CCDC63: variants seen among roughly 807,000 people sequenced by gnomAD.
The protein encoded by CCDC63 is coiled-coil domain containing 63.
In CCDC63, 54 loss-of-function variants were observed where a neutral mutation model predicts 63.6. The ratio of observed to expected loss-of-function variants is 0.85; its 90% CI spans 0.68 to 1.07. The LOEUF is 1.07. CCDC63 is among the 50% of genes least tolerant of loss of function. The pLI is 0.00. For missense variants in CCDC63, 637 were observed against 689.6 expected (o/e 0.92, Z 0.86); for synonymous variants, 253 against 266.1 (o/e 0.95, Z 0.48).
At chr12:110,848,909 G>T (rs1225891640) in intron 1 of CCDC63, among the ~76,000 whole-genome samples, 1 of 152,162 alleles carries the variant, frequency 6.6e-6, no homozygotes, top group Non-Finnish European at 1.5e-5. Flanking sequence ...CAAATTCCAG[G>T]GCTGAAAGAG....
chr12:110,894,039 C>G (rs1427243583), intron 9 of CCDC63, among the ~76,000 whole-genome samples: 1 of 151,060 alleles, frequency 6.6e-6, no homozygotes, highest in Non-Finnish European at 1.5e-5. Flanking sequence ...CACTTCAGGG[C>G]TGGTATGGCA....
chr12:110,887,344 T>C (rs2071296468), intron 8 of CCDC63, among the ~76,000 whole-genome samples: 1 of 152,062 alleles, frequency 6.6e-6, no homozygotes, highest in Non-Finnish European at 1.5e-5. Context: ...CAGGATGGTC[T>C]CGAACGCCTG....
chr12:110,884,852 A>ATTTTTTT (rs34391026), intron 8 of CCDC63, among the ~76,000 whole-genome samples: 1 of 130,708 alleles, frequency 7.7e-6, no homozygotes, highest in Non-Finnish European at 1.6e-5. Context: ...ACGCCCTGCT[A>ATTTTTTT]TTTTTTTTTT....
At chr12:110,896,506 A>G (rs1393080415) in intron 9 of CCDC63, among the ~76,000 whole-genome samples, 1 of 151,972 alleles carries the variant, frequency 6.6e-6, no homozygotes, top group Non-Finnish European at 1.5e-5. Flanking sequence ...AATAGGGCCG[A>G]CCCCTTGAGA....
At chr12:110,869,481 C>G (rs1195698153) in intron 4 of CCDC63, among the ~76,000 whole-genome samples, 1 of 152,186 alleles carries the variant, frequency 6.6e-6, no homozygotes, top group Admixed American at 6.5e-5. Flanking sequence ...TCTTCAGATA[C>G]TAGTTCTGAA....
chr12:110,860,087 A>G (rs1460642733), intron 4 of CCDC63, among the ~76,000 whole-genome samples: 2 of 152,196 alleles, frequency 1.3e-5, no homozygotes, highest in African/African-American at 4.8e-5. Flanking sequence ...AACCATTTAC[A>G]AGGGTGTGGG....
intron 5 of CCDC63, among the ~76,000 whole-genome samples, chr12:110,874,340 C>T (rs776050855): frequency 2.6e-5 from 4 of 152,054 alleles, no homozygotes; most frequent in East Asian, 1.9e-4. Flanking sequence ...TTTTTGTTGT[C>T]GGTGTTGTCT....
chr12:110,890,763 T>C (rs12826148), intron 8 of CCDC63, among the ~76,000 whole-genome samples: 30,091 of 146,384 alleles, frequency 0.21, 3,440 homozygotes, highest in Admixed American at 0.27. Context: ...TCTATTTTTT[T>C]CCTCCTTTTC....
chr12:110,867,779 G>C (rs1484639385), intron 4 of CCDC63, among the ~76,000 whole-genome samples: 2 of 147,752 alleles, frequency 1.4e-5, no homozygotes, highest in African/African-American at 5.0e-5. Flanking sequence ...CTCCCGGACG[G>C]GGTGGCTGGC....
intron 3 of CCDC63, among the ~76,000 whole-genome samples, 162 bp downstream of exon 3, chr12:110,853,736 GAA>G (rs1394679892): frequency 1.3e-5 from 2 of 152,192 alleles, no homozygotes; most frequent in Non-Finnish European, 2.9e-5. Flanking sequence ...AGTTTCAAGA[GAA>G]ACTCACTTGA....
At chr12:110,904,534 C>A in intron 10 of CCDC63, 54 bp from the exon 11 acceptor site, 3 of 1,524,338 alleles carry the variant, frequency 2.0e-6, no homozygotes, top group East Asian at 2.3e-5. Context: ...ACCCACAGTG[C>A]CCCCAGGCCC....
chr12:110,863,263 CGTGTGT>C (rs34959062), intron 4 of CCDC63, among the ~76,000 whole-genome samples: 2 of 149,130 alleles, frequency 1.3e-5, no homozygotes, highest in Admixed American at 6.7e-5. Flanking sequence ...GTGACACACA[CGTGTGT>C]GTGTGTGTGT....
chr12:110,867,229 C>A (rs1473833315), intron 4 of CCDC63, among the ~76,000 whole-genome samples: 113 of 108,108 alleles, frequency 1.0e-3, no homozygotes, highest in South Asian at 2.8e-3. Flanking sequence ...GGGGGCCGAC[C>A]CCCCCACCTC....
At position 110,889,739 on chromosome 12, in the gene CCDC63, T is replaced by A. The variant is rs1357219120; in HGVS notation, c.1075-3337T>A. On this transcript the variant is annotated intron_variant, in intron 8 of 11. Coordinates refer to ENST00000308208, the MANE Select transcript of CCDC63 (RefSeq NM_152591.3). The surrounding 1 kb of genome is among the most constrained non-coding windows in gnomAD (Gnocchi z 4.1). ...CATCGACTCAGGTTATTGATGCAATTTGCAAAATAGTAAAAAGTCTCAATG... is the reference window on the plus strand; with the variant it reads ...CATCGACTCAGGTTATTGATGCAATATGCAAAATAGTAAAAAGTCTCAATG... 6.6e-6 allele frequency among the ~76,000 whole-genome samples: 1 copy of A among 152,130 alleles called. No individual in the cohort carries two copies. The highest frequency in any genetic ancestry group is 2.4e-5 in the African/African-American group (1 of 41,422).
intron 10 of CCDC63, among the ~76,000 whole-genome samples, chr12:110,903,229 T>A (rs1178216980): frequency 6.6e-6 from 1 of 151,902 alleles, no homozygotes; most frequent in Non-Finnish European, 1.5e-5. Flanking sequence ...CAGACTGGTC[T>A]TGAACTCAAG....
intron 5 of CCDC63, among the ~76,000 whole-genome samples, chr12:110,876,119 A>G (rs1178567030): frequency 6.6e-6 from 1 of 151,686 alleles, no homozygotes; most frequent in African/African-American, 2.4e-5. Flanking sequence ...AAAAAAAAAA[A>G]AAAAGGTTAG....
In CCDC63 at chr12:110,858,866, C is replaced by T. The variant is rs1304846685; in HGVS notation, c.369+91C>T. ...TCGTGATGCCTTAGGCCAGACCTGACACCCCTGTATCACAGTATCTCCTCT... is the reference window on the plus strand; with the variant it reads ...TCGTGATGCCTTAGGCCAGACCTGATACCCCTGTATCACAGTATCTCCTCT... On this transcript the variant is annotated intron_variant, in intron 4 of 11. Coordinates refer to ENST00000308208, the MANE Select transcript of CCDC63 (RefSeq NM_152591.3). 1.5e-5 allele frequency: 16 copies of T among 1,070,454 alleles called. No homozygotes were observed. The South Asian group carries it at 2.1e-4, about 14-fold the overall frequency. 66.3% of individuals were successfully genotyped at this position (1,070,454 alleles called of 1,614,324 possible).
intron 1 of CCDC63, among the ~76,000 whole-genome samples, chr12:110,849,910 G>A (rs1015180141): frequency 5.3e-5 from 8 of 152,124 alleles, no homozygotes; most frequent in African/African-American, 1.9e-4. Context: ...AAGGGAAGTG[G>A]GGTTACCATG....
At chr12:110,892,924 C>A in intron 8 of CCDC63, 152 bp from the exon 9 acceptor site, 1 of 581,608 alleles carries the variant, frequency 1.7e-6, no homozygotes. Flanking sequence ...AAAATAATAA[C>A]CCCACGGGCC....
Sources: gnomAD v4.1 joint callset for allele counts (sites outside exome capture counted in the v4.1 genomes callset) on GRCh38, gnomAD v4.1.1 for gene constraint, Gnocchi (gnomAD v3.1) non-coding constraint, MANE v1.5 for transcripts, NCBI Gene and HGNC (gene_info 2026-07-23, HGNC 2026-07-21) for gene names.